The following LPAR1 variants were observed in gnomAD, a reference collection of about 807,000 sequenced individuals.
LPAR1 encodes the protein LPA receptor 1.
Under a neutral mutation model 23.8 loss-of-function variants are expected in LPAR1, and 5 were observed. The ratio of observed to expected loss-of-function variants is 0.21; its 90% CI spans 0.11 to 0.44. The LOEUF (loss-of-function observed/expected upper bound fraction) is 0.44. Among genes scored for constraint, LPAR1 ranks in the 20% least tolerant of loss-of-function variants. LPAR1 has a pLI of 0.99. For synonymous variants in LPAR1, 160 were observed against 164.7 expected (o/e 0.97, Z 0.22); for missense variants, 311 against 482.8 (o/e 0.64, Z 3.33).
upstream of LPAR1, chr9:111,038,740 T>TG (rs142765719): frequency 0.011 from 4,791 of 434,624 alleles, 201 homozygotes; most frequent in African/African-American, 0.09. This position sits in a 1 kb window ranked among gnomAD's most constrained non-coding sequence, Gnocchi z 4.4. Context: ...GGGCCGGGGC[T>TG]GGGGGGTGGC....
In LPAR1 at chr9:110,955,757, A is replaced by G. The variant is rs966835137; in HGVS notation, c.46-13589T>C. Among the ~76,000 whole-genome samples the G allele has an allele frequency of 3.3e-5, 5 of 151,730 alleles. No homozygotes were observed. In the East Asian group the frequency reaches 9.6e-4, roughly 29 times the overall value. ...AAATCAATTACAAGAGTAACTTTGG[A>G]AACTATACAAATACATGGAATTAAA... On this transcript the variant is annotated intron_variant, in intron 4 of 5. Coordinates refer to ENST00000683809, the MANE Select transcript of LPAR1 (RefSeq NM_001351411.2).
upstream of LPAR1, chr9:111,038,584 G>T: frequency 2.2e-6 from 1 of 454,008 alleles, no homozygotes; most frequent in Non-Finnish European, 4.4e-6. This position sits in a 1 kb window ranked among gnomAD's most constrained non-coding sequence, Gnocchi z 4.4. Flanking sequence ...CTTGTTCCAC[G>T]TAGCACAAGT....
intron 5 of LPAR1, among the ~76,000 whole-genome samples, chr9:110,929,747 A>G (rs950767216): frequency 1.8e-4 from 26 of 147,662 alleles, no homozygotes; most frequent in African/African-American, 5.4e-4. Flanking sequence ...TGTGTGTTAT[A>G]GTTGCCAGAT....
intron 4 of LPAR1, among the ~76,000 whole-genome samples, chr9:110,966,074 A>G (rs2096208892): frequency 6.6e-6 from 1 of 152,186 alleles, no homozygotes; most frequent in Admixed American, 6.5e-5. Flanking sequence ...GAGATGAACA[A>G]TGAGAACACA....
At chr9:110,890,404 C>T (rs1361972454) in intron 5 of LPAR1, among the ~76,000 whole-genome samples, 1 of 151,932 alleles carries the variant, frequency 6.6e-6, no homozygotes, top group Non-Finnish European at 1.5e-5. Flanking sequence ...TATTGTTCCC[C>T]AAGTATTAAC....
intron 2 of LPAR1, among the ~76,000 whole-genome samples, chr9:111,029,193 T>G (rs2097755647): frequency 6.6e-6 from 1 of 152,208 alleles, no homozygotes; most frequent in African/African-American, 2.4e-5. Context: ...TTACTGGCAT[T>G]TACTTCTACA....
chr9:111,005,981 T>C (rs563973414), intron 2 of LPAR1, among the ~76,000 whole-genome samples: 12 of 152,204 alleles, frequency 7.9e-5, no homozygotes, highest in African/African-American at 2.9e-4. Context: ...TGCTGGACTT[T>C]GAGCTTCCTG....
At chr9:110,933,860 G>C (rs970227462) in intron 5 of LPAR1, among the ~76,000 whole-genome samples, 2 of 152,022 alleles carry the variant, frequency 1.3e-5, no homozygotes, top group African/African-American at 2.4e-5. Context: ...TGGTATTTTT[G>C]GTTTCTGTTT....
At chr9:110,907,996 AAGAAAATTAC>A (rs2091663704) in intron 5 of LPAR1, among the ~76,000 whole-genome samples, 1 of 151,866 alleles carries the variant, frequency 6.6e-6, no homozygotes, top group African/African-American at 2.4e-5. Flanking sequence ...ACAGATTCAT[AAGAAAATTAC>A]ACTACAGAAG....
intron 5 of LPAR1, among the ~76,000 whole-genome samples, chr9:110,901,008 C>A (rs2088705479): frequency 6.6e-6 from 1 of 152,156 alleles, no homozygotes; most frequent in African/African-American, 2.4e-5. Context: ...TCAATCTGTT[C>A]CTATAAACTG....
intron 5 of LPAR1, among the ~76,000 whole-genome samples, chr9:110,925,012 A>C (rs1173274079): frequency 6.6e-6 from 1 of 151,992 alleles, no homozygotes; most frequent in Non-Finnish European, 1.5e-5. Context: ...CATGAGTCTG[A>C]CTCCCATTCT....
intron 5 of LPAR1, among the ~76,000 whole-genome samples, chr9:110,889,879 T>C (rs928407212): frequency 6.6e-6 from 1 of 152,176 alleles, no homozygotes; most frequent in Non-Finnish European, 1.5e-5. Context: ...AAAATATTTT[T>C]ACAAATGAAT....
At chr9:110,987,205 C>T (rs916861760) in intron 2 of LPAR1, among the ~76,000 whole-genome samples, 1 of 151,948 alleles carries the variant, frequency 6.6e-6, no homozygotes, top group African/African-American at 2.4e-5. Flanking sequence ...ATTTTAGGAA[C>T]AATGTAAGCA....
intron 2 of LPAR1, among the ~76,000 whole-genome samples, chr9:111,029,225 C>A (rs1588944161): frequency 6.6e-6 from 1 of 152,194 alleles, no homozygotes; most frequent in East Asian, 1.9e-4. Flanking sequence ...TGCCTGAATA[C>A]TGCCAACTGA....
intron 4 of LPAR1, among the ~76,000 whole-genome samples, chr9:110,945,634 T>C (rs2095345668): frequency 6.6e-6 from 1 of 152,194 alleles, no homozygotes; most frequent in African/African-American, 2.4e-5. Context: ...ACAAATTTAT[T>C]CTCTTACAGT....
At chr9:110,909,758 T>TATTTATTTATTC in intron 5 of LPAR1, among the ~76,000 whole-genome samples, 1 of 151,672 alleles carries the variant, frequency 6.6e-6, no homozygotes, top group Admixed American at 6.6e-5. Context: ...TTTATTTATT[T>TATTTATTTATTC]ATTTAGAGAG....
chr9:111,006,441 C>T (rs1276193565), intron 2 of LPAR1, among the ~76,000 whole-genome samples: 1 of 152,186 alleles, frequency 6.6e-6, no homozygotes, highest in South Asian at 2.1e-4. Flanking sequence ...TTAACTTATT[C>T]CTTCTTCCTT....
intron 5 of LPAR1, among the ~76,000 whole-genome samples, chr9:110,935,044 G>A (rs906579390): frequency 6.6e-6 from 1 of 152,094 alleles, no homozygotes; most frequent in Non-Finnish European, 1.5e-5. Context: ...ATTAGGGAGG[G>A]AGATTACCAA....
chr9:110,998,453 CTG>C (rs1209251185), intron 2 of LPAR1, among the ~76,000 whole-genome samples: 1 of 152,136 alleles, frequency 6.6e-6, no homozygotes, highest in Non-Finnish European at 1.5e-5. Context: ...TCAATAAAGA[CTG>C]TAACTGAAAC....
Sources: gnomAD v4.1 joint callset for allele counts (sites outside exome capture counted in the v4.1 genomes callset) on GRCh38, gnomAD v4.1.1 for gene constraint, Gnocchi (gnomAD v3.1) non-coding constraint, MANE v1.5 for transcripts, NCBI Gene and HGNC (gene_info 2026-07-23, HGNC 2026-07-21) for gene names.